Variants in ATAD2B observed in about 807,000 individuals in gnomAD.
The protein encoded by ATAD2B is ATPase family AAA domain containing 2B.
In ATAD2B, 40 loss-of-function variants were observed where a neutral mutation model predicts 167.6. The observed-to-expected ratio is 0.24, with a 90% CI of 0.19 to 0.31. The LOEUF is 0.31. Ranked by LOEUF, ATAD2B falls within the 10% of genes least tolerant of loss-of-function variation. The probability of loss-of-function intolerance (pLI) is 1.00; values close to 1 mark genes in which losing one functional copy is unlikely to be tolerated. For synonymous variants in ATAD2B, 579 were observed against 596.5 expected (o/e 0.97, Z 0.43); for missense variants, 1,242 against 1,757.2 (o/e 0.71, Z 5.24).
At chr2:23,869,867 A>G in intron 8 of ATAD2B, 106 bp from the exon 9 acceptor site, 1 of 712,368 alleles carries the variant, frequency 1.4e-6, no homozygotes, top group East Asian at 2.8e-5. Context: ...TTCAGCAAAT[A>G]TTTATTAAGA....
chr2:23,709,573 G>A, the ATAD2B span, among the ~76,000 whole-genome samples: 1 of 151,340 alleles, frequency 6.6e-6, no homozygotes, highest in Non-Finnish European at 1.5e-5. Context: ...GGCCAGCTTT[G>A]TCATCCATGT....
intron 8 of ATAD2B, chr2:23,873,162 T>C (rs1696268978): frequency 2.9e-6 from 1 of 349,016 alleles, no homozygotes; most frequent in Non-Finnish European, 5.5e-6. Context: ...AGTTCCCAAG[T>C]TTATGTGTGT....
At chr2:23,891,868 T>C (rs562619042) in intron 2 of ATAD2B, among the ~76,000 whole-genome samples, 1 of 152,276 alleles carries the variant, frequency 6.6e-6, no homozygotes, top group East Asian at 1.9e-4. Context: ...CGTTAGAACT[T>C]TCTACAGCTT....
At chr2:23,803,862 T>G (rs1387426481) in intron 18 of ATAD2B, among the ~76,000 whole-genome samples, 1 of 152,218 alleles carries the variant, frequency 6.6e-6, no homozygotes, top group Non-Finnish European at 1.5e-5. Context: ...CCTTTCATGT[T>G]CATGTTACAC....
chr2:23,890,233 T>A (rs539701714), intron 2 of ATAD2B, among the ~76,000 whole-genome samples: 93 of 151,328 alleles, frequency 6.1e-4, no homozygotes, highest in African/African-American at 2.2e-3. Context: ...AAATAAATAA[T>A]AAATAACAAA....
Position 23,886,108 on chromosome 2 carries a change from C to A in ATAD2B, c.573-279G>T, listed in dbSNP as rs192775269. 3.9e-5 allele frequency among the ~76,000 whole-genome samples: 6 copies of A among 152,112 alleles called. No homozygotes were observed. In the East Asian group the frequency reaches 1.2e-3, roughly 29 times the overall value. ...TACAGGCATGCACTACCATGCCCAG[C>A]TAACTTTTATATTTTTTTGTGGAGA... On this transcript the variant is annotated intron_variant, in intron 4 of 27. Coordinates refer to ENST00000238789, the MANE Select transcript of ATAD2B (RefSeq NM_017552.4).
chr2:23,914,472 G>A (rs941901450), intron 1 of ATAD2B, among the ~76,000 whole-genome samples: 7 of 152,090 alleles, frequency 4.6e-5, no homozygotes, highest in African/African-American at 1.7e-4. Context: ...GACATAAAGA[G>A]TTACCCAAAT....
At chr2:23,693,803 T>G in the ATAD2B span, among the ~76,000 whole-genome samples, 7 of 152,076 alleles carry the variant, frequency 4.6e-5, no homozygotes, top group Non-Finnish European at 8.8e-5. Context: ...GCTCTGGGGC[T>G]CCCAGGAACA....
At chr2:23,918,579 A>C (rs541184790) in intron 1 of ATAD2B, among the ~76,000 whole-genome samples, 1 of 152,158 alleles carries the variant, frequency 6.6e-6, no homozygotes, top group African/African-American at 2.4e-5. Flanking sequence ...TTATTGTCCT[A>C]TATTTCATAT....
chr2:23,799,784 AAAT>A (rs2149469525), intron 18 of ATAD2B: 1 of 152,160 alleles, frequency 6.6e-6, no homozygotes, highest in South Asian at 2.1e-4. Context: ...AAAGAAGCTC[AAAT>A]AATAATTGGA....
At chr2:23,818,648 A>C (rs970389118) in intron 17 of ATAD2B, among the ~76,000 whole-genome samples, 1 of 152,206 alleles carries the variant, frequency 6.6e-6, no homozygotes, top group Non-Finnish European at 1.5e-5. Context: ...GGAAAACTTC[A>C]AGTTGGAGAC....
At chr2:23,886,499 T>A (rs1180272677) in intron 4 of ATAD2B, among the ~76,000 whole-genome samples, 2 of 152,110 alleles carry the variant, frequency 1.3e-5, no homozygotes, top group Non-Finnish European at 2.9e-5. Context: ...ACAAAATAAT[T>A]GTATAAAATT....
the ATAD2B span, among the ~76,000 whole-genome samples, chr2:23,735,047 A>G: frequency 1.3e-5 from 2 of 152,170 alleles, no homozygotes; most frequent in African/African-American, 4.8e-5. Flanking sequence ...CCAAATTAAT[A>G]TTTCTAAAAT....
chr2:23,739,115 C>A, the ATAD2B span, among the ~76,000 whole-genome samples: 1 of 152,166 alleles, frequency 6.6e-6, no homozygotes, highest in Admixed American at 6.5e-5. Context: ...ACTTTAACAC[C>A]CCACTGTCAA....
At chr2:23,830,427 G>A (rs139217387) in intron 14 of ATAD2B, among the ~76,000 whole-genome samples, 167 of 152,322 alleles carry the variant, frequency 1.1e-3, no homozygotes, top group Admixed American at 3.6e-3. Flanking sequence ...AATTGAGTAT[G>A]CTTGTTCCCT....
In ATAD2B at chr2:23,926,819, A is replaced by G. The variant is rs756537378; in HGVS notation, c.-49T>C. On this transcript the variant is annotated 5_prime_UTR_variant, in exon 1 of 28. Transcript: ENST00000238789. ...CACGCCGCGCCCGGGAGAGCCGAGC[A>G]AGGCCGGCCCGCCGGCCGGTCAGTC... 1 of 1,459,120 alleles carries G rather than the reference A, an allele frequency of 6.9e-7. No individual in the cohort carries two copies. The highest frequency in any genetic ancestry group is 9.0e-7 in the Non-Finnish European group (1 of 1,106,556). 90.4% of individuals were successfully genotyped at this position (1,459,120 alleles called of 1,614,324 possible). A position where few individuals can be genotyped will look rare whatever the true frequency, so the allele number is the denominator to read the frequency against.
the ATAD2B span, among the ~76,000 whole-genome samples, chr2:23,711,345 T>TC: frequency 4.9e-4 from 2 of 4,056 alleles, no homozygotes; most frequent in Non-Finnish European, 8.2e-4. Flanking sequence ...TTTCTTTCTT[T>TC]TTTTTTTTTT....
At chr2:23,773,143 A>G (rs1221751478) in intron 22 of ATAD2B, among the ~76,000 whole-genome samples, 2 of 152,228 alleles carry the variant, frequency 1.3e-5, no homozygotes, top group Non-Finnish European at 2.9e-5. Flanking sequence ...AACTTAGAAG[A>G]ATATTCAAAG....
the ATAD2B span, among the ~76,000 whole-genome samples, chr2:23,683,004 G>C: frequency 6.6e-6 from 1 of 152,236 alleles, no homozygotes. Context: ...GCAGAGCCCA[G>C]TGTGTCCTCA....
Sources: allele counts gnomAD v4.1 joint callset (sites outside exome capture counted in the v4.1 genomes callset), GRCh38; gene constraint gnomAD v4.1.1; transcripts MANE v1.5; gene names NCBI Gene and HGNC (gene_info 2026-07-23, HGNC 2026-07-21).